The following CRPPA variants were observed in gnomAD, a reference collection of about 807,000 sequenced individuals.
CRPPA encodes CDP-L-ribitol pyrophosphorylase A.
Under a neutral mutation model 52.0 loss-of-function variants are expected in CRPPA, and 43 were observed. That is an observed-to-expected ratio of 0.83 (90% confidence interval 0.65 to 1.07). The LOEUF (loss-of-function observed/expected upper bound fraction) is 1.07. CRPPA is among the 50% of genes least tolerant of loss of function. CRPPA has a pLI of 0.00. For missense variants in CRPPA, 629 were observed against 551.7 expected, an observed-to-expected ratio of 1.14 and a Z score of -1.40; for synonymous variants, 250 against 203.5, an observed-to-expected ratio of 1.23 and a Z score of -1.94.
chr7:16,412,488 T>C (rs978961189), intron 1 of CRPPA, among the ~76,000 whole-genome samples: 4 of 152,194 alleles, frequency 2.6e-5, no homozygotes, highest in Non-Finnish European at 5.9e-5. Context: ...TCAGAGACAA[T>C]AGGCTTATAA....
chr7:16,266,608 AGCTGGGATTACAGGTGCTCACCACCAC>A (rs1301804616), intron 6 of CRPPA, among the ~76,000 whole-genome samples: 3 of 151,738 alleles, frequency 2.0e-5, no homozygotes, highest in Non-Finnish European at 4.4e-5. Context: ...CCTACCAAGT[AGCTGGGATTACAGGTGCTCACCACCAC>A]GCCTGACTAA....
chr7:16,396,597 C>T (rs1168822716), intron 2 of CRPPA, among the ~76,000 whole-genome samples: 1 of 152,210 alleles, frequency 6.6e-6, no homozygotes, highest in Non-Finnish European at 1.5e-5. Flanking sequence ...GAAAAGAAGT[C>T]ATTGTACGAA....
intron 9 of CRPPA, among the ~76,000 whole-genome samples, chr7:16,108,028 A>G (rs1782191428): frequency 6.6e-6 from 1 of 152,068 alleles, no homozygotes; most frequent in Admixed American, 6.6e-5. Context: ...AAAAGGATTC[A>G]AAGCATGCTA....
At chr7:16,199,856 T>A (rs1259212256) in intron 9 of CRPPA, among the ~76,000 whole-genome samples, 1 of 125,212 alleles carries the variant, frequency 8.0e-6, no homozygotes, top group Non-Finnish European at 1.5e-5. Context: ...AGCTTTTTCT[T>A]TTTTTTTTTT....
chr7:16,276,868 T>C (rs1583486797), intron 6 of CRPPA: 1 of 152,176 alleles, frequency 6.6e-6, no homozygotes, highest in East Asian at 1.9e-4. Context: ...TCAAATTAGA[T>C]TCTTTAGAAA....
chr7:16,403,458 C>T (rs1334195010), intron 2 of CRPPA, among the ~76,000 whole-genome samples: 1 of 151,988 alleles, frequency 6.6e-6, no homozygotes. Context: ...ACATAACCCA[C>T]CCCTCCCCCT....
At position 16,405,954 on chromosome 7, in the gene CRPPA, C is replaced by T. The variant is rs1449398663; in HGVS notation, c.534+107G>A. 7.9e-6 allele frequency: 8 copies of T among 1,011,360 alleles called. No individual in the cohort carries two copies. The African/African-American group carries it at 9.8e-5, about 12-fold the overall frequency. 62.6% of individuals were successfully genotyped at this position (1,011,360 alleles called of 1,614,324 possible). ...ACCATAACATCTTTAGGTCATCATG[C>T]ACATTTTAAATAATTTGACATTTAA... On this transcript the variant is annotated intron_variant, in intron 2 of 9. Transcript: ENST00000407010.
At chr7:16,324,637 T>C (rs188375264) in intron 3 of CRPPA, among the ~76,000 whole-genome samples, 3 of 152,306 alleles carry the variant, frequency 2.0e-5, no homozygotes, top group Admixed American at 6.5e-5. Context: ...GGGAAATAAA[T>C]TGTACATTAC....
At chr7:16,200,860 A>C (rs1182437402) in intron 9 of CRPPA, among the ~76,000 whole-genome samples, 1 of 152,216 alleles carries the variant, frequency 6.6e-6, no homozygotes, top group Non-Finnish European at 1.5e-5. Context: ...CAAATATCTA[A>C]TACATAGATA....
At position 16,308,546 on chromosome 7, in the gene CRPPA, C is replaced by T; in HGVS notation, c.766G>A (p.Glu256Lys). Reference sequence around the variant, plus strand: ...ACCTTCCAGAGGTCAGGTGATCCTTCTACAAGTTTGGCTTTAGTGCAACAG... The same window carrying T: ...ACCTTCCAGAGGTCAGGTGATCCTTTTACAAGTTTGGCTTTAGTGCAACAG... The part of the protein sequence containing the change: ...KYCCTKAKLV[E>K]GSPDLWKVTY... Residue 256 changes from glutamate to lysine, a missense_variant, in exon 4 of 10, where the codon GAA (glutamate) becomes AAA (lysine). Physicochemically the swap from Glu to Lys is moderately conservative, Grantham distance 56 (BLOSUM62 1). Coordinates refer to ENST00000407010, the MANE Select transcript of CRPPA (RefSeq NM_001101426.4). The T allele has an allele frequency of 6.2e-7, 1 of 1,606,662 alleles. No homozygotes were observed.
intron 9 of CRPPA, among the ~76,000 whole-genome samples, chr7:16,199,343 G>C (rs1243514337): frequency 6.6e-6 from 1 of 152,024 alleles, no homozygotes; most frequent in Admixed American, 6.6e-5. Context: ...TTTAATCAAT[G>C]TCTGCCTTTG....
intron 2 of CRPPA, among the ~76,000 whole-genome samples, chr7:16,387,190 A>C (rs956589718): frequency 2.0e-5 from 3 of 150,438 alleles, no homozygotes; most frequent in Admixed American, 2.0e-4. Flanking sequence ...GTACAAAAGT[A>C]ATTGCAGTTT....
intron 4 of CRPPA, among the ~76,000 whole-genome samples, chr7:16,304,954 C>T (rs926485446): frequency 6.6e-6 from 1 of 152,168 alleles, no homozygotes; most frequent in Non-Finnish European, 1.5e-5. Context: ...CCATCTGAGT[C>T]CAGTACCAGT....
At chr7:16,261,323 T>G (rs1177688035) in intron 6 of CRPPA, among the ~76,000 whole-genome samples, 1 of 152,088 alleles carries the variant, frequency 6.6e-6, no homozygotes, top group African/African-American at 2.4e-5. Context: ...ACAACTCACT[T>G]CTTTTTGTAA....
intron 8 of CRPPA, among the ~76,000 whole-genome samples, chr7:16,232,698 C>CA (rs141668095): frequency 0.024 from 3,628 of 151,934 alleles, 118 homozygotes; most frequent in African/African-American, 0.08. Context: ...GCTGAAAGAT[C>CA]AAAAAAACAA....
chr7:16,387,002 A>G (rs1327160634), intron 2 of CRPPA, among the ~76,000 whole-genome samples: 1 of 149,098 alleles, frequency 6.7e-6, no homozygotes, highest in East Asian at 1.9e-4. Flanking sequence ...CCTGGGCGAT[A>G]GAGACTATCT....
At chr7:16,306,922 A>G (rs1562621459) in intron 4 of CRPPA, among the ~76,000 whole-genome samples, 1 of 151,946 alleles carries the variant, frequency 6.6e-6, no homozygotes, top group Non-Finnish European at 1.5e-5. Flanking sequence ...AATTTTCTCT[A>G]CCAGGCAATA....
chr7:16,122,737 T>A (rs1782502522), intron 9 of CRPPA, among the ~76,000 whole-genome samples: 1 of 152,070 alleles, frequency 6.6e-6, no homozygotes, highest in Non-Finnish European at 1.5e-5. Context: ...GCTATTATAC[T>A]CCTTTTTAAA....
intron 6 of CRPPA, 131 bp from the exon 7 acceptor site, chr7:16,259,143 C>T (rs1380742299): frequency 4.0e-6 from 2 of 504,490 alleles, no homozygotes; most frequent in Non-Finnish European, 3.5e-6. Flanking sequence ...AAAAATGAAA[C>T]ATGCTGAAGT....
Sources: allele counts gnomAD v4.1 joint callset (sites outside exome capture counted in the v4.1 genomes callset), GRCh38; gene constraint gnomAD v4.1.1; transcripts MANE v1.5; gene names NCBI Gene and HGNC (gene_info 2026-07-23, HGNC 2026-07-21).